Variants in AP3M1 observed in about 807,000 individuals in gnomAD.
AP3M1 encodes the protein AP-3 complex subunit mu-1.
Under a neutral mutation model 42.6 loss-of-function variants are expected in AP3M1, and 29 were observed. The ratio of observed to expected loss-of-function variants is 0.68; its 90% CI spans 0.51 to 0.93. The LOEUF (loss-of-function observed/expected upper bound fraction) is 0.93. AP3M1 is among the 40% of genes least tolerant of loss of function. The probability of loss-of-function intolerance (pLI) is 0.00; values close to 1 mark genes in which losing one functional copy is unlikely to be tolerated. For missense variants in AP3M1, 416 were observed against 510.2 expected (o/e 0.82, Z 1.78); for synonymous variants, 178 against 175.3 (o/e 1.02, Z -0.12).
intron 3 of AP3M1, among the ~76,000 whole-genome samples, chr10:74,135,549 T>C (rs1019604926): frequency 3.9e-5 from 6 of 152,214 alleles, no homozygotes; most frequent in African/African-American, 1.4e-4. Context: ...AAAATAAATA[T>C]AATCTGTATT....
At chr10:74,140,560 CA>C (rs60776499) in intron 1 of AP3M1, among the ~76,000 whole-genome samples, 5,820 of 150,452 alleles carry the variant, frequency 0.039, 417 homozygotes, top group African/African-American at 0.13. Flanking sequence ...GGGATGCTTA[CA>C]AAAATATGTA....
In AP3M1 at chr10:74,129,368, C is replaced by T. The variant is rs1840708589; in HGVS notation, c.670-127G>A. Reference sequence around the variant, plus strand: ...GGAAGAGTTTATGACCACATCTACACAACCTTATAGTTTCATAATGCTTTA... The same window carrying T: ...GGAAGAGTTTATGACCACATCTACATAACCTTATAGTTTCATAATGCTTTA... On this transcript the variant is annotated intron_variant, in intron 5 of 8. Transcript: ENST00000355264. 11 of 836,306 alleles carry T rather than the reference C, an allele frequency of 1.3e-5. No homozygotes were observed. The South Asian group carries it at 2.1e-4, about 16-fold the overall frequency. 51.8% of individuals were successfully genotyped at this position (836,306 alleles called of 1,614,324 possible).
chr10:74,124,032 G>T, intron 8 of AP3M1, 122 bp from the exon 9 acceptor site: 1 of 882,286 alleles, frequency 1.1e-6, no homozygotes, highest in Non-Finnish European at 1.8e-6. Context: ...TGGAAGAAAT[G>T]TCTCTTCTAT....
At chr10:74,130,024 T>C (rs377009741) in intron 4 of AP3M1, 32 bp from the exon 5 acceptor site, 138 of 1,354,912 alleles carry the variant, frequency 1.0e-4, no homozygotes, top group Non-Finnish European at 1.4e-4. Flanking sequence ...GAAGATAACA[T>C]CAATGGAATA....
At chr10:74,137,669 A>T (rs940869060) in intron 2 of AP3M1, among the ~76,000 whole-genome samples, 8 of 152,250 alleles carry the variant, frequency 5.3e-5, no homozygotes, top group Non-Finnish European at 1.5e-5. Context: ...AAAATGGCAT[A>T]GTATTTGCAC....
intron 1 of AP3M1, among the ~76,000 whole-genome samples, chr10:74,144,828 A>G (rs1031535110): frequency 6.6e-6 from 1 of 151,728 alleles, no homozygotes; most frequent in East Asian, 1.9e-4. Context: ...ATGCCCAGCT[A>G]ATTTTTTGTA....
intron 8 of AP3M1, 112 bp downstream of exon 8, chr10:74,124,268 A>T (rs1317831120): frequency 5.2e-6 from 7 of 1,346,794 alleles, no homozygotes; most frequent in Non-Finnish European, 7.1e-6. Flanking sequence ...ATAAAAGGCA[A>T]ATGGGCTACT....
In AP3M1 at chr10:74,126,192, G is replaced by A. The variant is rs1417785748; in HGVS notation, c.967C>T (p.Leu323=). ...HMPKVVLNMN[L]TPTQGSYTFD... ...GTATAGCTGCCTTGTGTGGGTGTCA[G>A]GTTCATGTTCAGCACAACTTTTGGC... is the stretch of plus-strand genomic sequence containing the variant. Residue 323 remains leucine, a synonymous_variant, in exon 7 of 9, where the codon CTG becomes TTG. Transcript: ENST00000355264. 4 of 1,614,076 alleles carry A rather than the reference G, an allele frequency of 2.5e-6. No homozygotes were observed. The African/African-American group carries it at 4.0e-5, about 16-fold the overall frequency.
intron 1 of AP3M1, among the ~76,000 whole-genome samples, chr10:74,144,813 C>A (rs752890800): frequency 6.6e-6 from 1 of 152,036 alleles, no homozygotes; most frequent in Non-Finnish European, 1.5e-5. Context: ...CAGGCATGCG[C>A]CACCATGCCC....
At position 74,126,894 on chromosome 10, in the gene AP3M1, C is replaced by G. The variant is rs1353699240; in HGVS notation, c.804-539G>C. 2.9e-5 allele frequency among the ~76,000 whole-genome samples: 4 copies of G among 138,340 alleles called. No individual in the cohort carries two copies. The East Asian group carries it at 8.9e-4, about 31-fold the overall frequency. 90.8% of individuals were successfully genotyped at this position (138,340 alleles called of 152,430 possible). A position where few individuals can be genotyped will look rare whatever the true frequency, so the allele number is the denominator to read the frequency against. On this transcript the variant is annotated intron_variant, in intron 6 of 8. Coordinates refer to ENST00000355264, the MANE Select transcript of AP3M1 (RefSeq NM_012095.6). ...CCTGAGGCAGGAGAATCGCTTGAAC[C>G]TGGGAAGCGGAGATTGCAGTGAGCT...
chr10:74,138,699 G>C (rs1841027834), intron 1 of AP3M1: 1 of 195,290 alleles, frequency 5.1e-6, no homozygotes, highest in Non-Finnish European at 1.0e-5. Context: ...GGGAGGCTGA[G>C]GTGGGCGGAT....
chr10:74,136,953 C>T (rs1840967996), intron 2 of AP3M1, 150 bp from the exon 3 acceptor site: 3 of 495,334 alleles, frequency 6.1e-6, no homozygotes, highest in Non-Finnish European at 9.6e-6. Flanking sequence ...AAAAAACCCT[C>T]TATAGTCCGG....
Position 74,145,827 on chromosome 10 carries a change from A to G in AP3M1, c.-4+4928T>C, listed in dbSNP as rs139195128. ...GTAATTCACAAGCAATGCATTTACA[A>G]TAGTCAAAATATTCTTGGAAGACAG... On this transcript the variant is annotated intron_variant, in intron 1 of 8. Coordinates refer to ENST00000355264, the MANE Select transcript of AP3M1 (RefSeq NM_012095.6). Among the ~76,000 whole-genome samples the G allele has an allele frequency of 5.3e-5, 8 of 152,352 alleles. No homozygotes were observed. The East Asian group carries it at 1.5e-3, about 29-fold the overall frequency.
rs7071701 is a variant in AP3M1, at chr10:74,147,707, G to C, written c.-4+3048C>G. ...GAGGACACTGGTGATCTTGGTAAAG[G>C]TAGTTTTGGTGGGCTGGGTGCGGTG... On this transcript the variant is annotated intron_variant, in intron 1 of 8. Coordinates refer to ENST00000355264, the MANE Select transcript of AP3M1 (RefSeq NM_012095.6). Among the ~76,000 whole-genome samples, 494 of 152,174 alleles carry C rather than the reference G, an allele frequency of 3.2e-3. 6 individuals carry two copies. Among genetic ancestry groups the C allele is most frequent in the African/African-American group, 0.011 (464 of 41,540 alleles).
intron 4 of AP3M1, among the ~76,000 whole-genome samples, chr10:74,133,265 A>T (rs1461066531): frequency 6.6e-6 from 1 of 152,114 alleles, no homozygotes; most frequent in Non-Finnish European, 1.5e-5. Flanking sequence ...ATGCTGGTGC[A>T]TGCCTGTAAT....
In AP3M1 at chr10:74,123,196, A is replaced by C. The variant is rs1263971257; in HGVS notation, c.*614T>G. ...CTTTACATAAAAATCTTATTTATAA[A>C]AAATACAATACCAAGTACAGTGAGA... On this transcript the variant is annotated 3_prime_UTR_variant, in exon 9 of 9. Transcript: ENST00000355264. The C allele has an allele frequency of 1.3e-5, 2 of 152,674 alleles. No individual in the cohort carries two copies. Among genetic ancestry groups the C allele is most frequent in the African/African-American group, 4.8e-5 (2 of 41,466 alleles). The allele number at this position is 152,674 out of a possible 1,614,324, so 9.5% of individuals were successfully genotyped here. A position where few individuals can be genotyped will look rare whatever the true frequency, so the allele number is the denominator to read the frequency against.
intron 4 of AP3M1, among the ~76,000 whole-genome samples, chr10:74,133,669 CTTT>C (rs111439833): frequency 1.7e-4 from 24 of 142,964 alleles, no homozygotes; most frequent in Non-Finnish European, 3.4e-4. Flanking sequence ...CTTTCTTCTT[CTTT>C]TTTTTTTTTT....
At chr10:74,135,175 C>T (rs1353102307) in intron 3 of AP3M1, among the ~76,000 whole-genome samples, 1 of 152,184 alleles carries the variant, frequency 6.6e-6, no homozygotes, top group Non-Finnish European at 1.5e-5. Context: ...AATATTTATC[C>T]TAGCTTTGAA....
At chr10:74,132,214 T>C (rs1036395395) in intron 4 of AP3M1, among the ~76,000 whole-genome samples, 1 of 151,864 alleles carries the variant, frequency 6.6e-6, no homozygotes, top group African/African-American at 2.4e-5. Flanking sequence ...ATTTTTGTAT[T>C]TATAGTAGAG....
Sources: gnomAD v4.1 joint callset for allele counts (sites outside exome capture counted in the v4.1 genomes callset) on GRCh38, gnomAD v4.1.1 for gene constraint, MANE v1.5 for transcripts, NCBI Gene and HGNC (gene_info 2026-07-23, HGNC 2026-07-21) for gene names.